Variants in CLCN5 observed in about 807,000 individuals in gnomAD.
CLCN5 encodes the protein Cl-/H+ antiporter 5.
CLCN5 carries 17 observed loss-of-function variants against 54.0 expected under a neutral mutation model. That is an observed-to-expected ratio of 0.31 (90% CI 0.22 to 0.47). The LOEUF (loss-of-function observed/expected upper bound fraction) is 0.47. CLCN5 is among the 20% of genes least tolerant of loss of function. The probability of loss-of-function intolerance (pLI) is 1.00; values close to 1 mark genes in which losing one functional copy is unlikely to be tolerated. For synonymous variants in CLCN5, 222 were observed against 233.0 expected (o/e 0.95, Z 0.43); for missense variants, 448 against 646.7 (o/e 0.69, Z 3.33).
At chrX:50,031,031 C>T (rs1335681049) in intron 3 of CLCN5, among the ~76,000 whole-genome samples, 1 of 111,879 alleles carries the variant, frequency 8.9e-6, no homozygotes, top group Non-Finnish European at 1.9e-5. Flanking sequence ...CTACACTTCA[C>T]ATTTATGACA....
intron 3 of CLCN5, among the ~76,000 whole-genome samples, chrX:49,928,962 GT>G (rs1925496940): frequency 8.9e-6 from 1 of 111,911 alleles, no homozygotes; most frequent in Non-Finnish European, 1.9e-5. Context: ...ATTCCTAGAG[GT>G]TAAGTGATAT....
chrX:50,086,606 C>A lies in CLCN5; in HGVS notation c.1293C>A (p.Leu431=). 8.3e-7 allele frequency: 1 copy of A among 1,210,712 alleles called. No homozygotes were observed. The highest frequency in any genetic ancestry group is 1.1e-6 in the Non-Finnish European group (1 of 895,126). The change falls in exon 11 of 15, where the codon CTC becomes CTA. Residue 431 remains leucine (L), a synonymous_variant. Transcript: ENST00000376091. ...GCAAGTATCCTGTTATAGAGGTACT[C>A]GTCGTGACAGCCATCACTGCCATCC... ...QLGKYPVIEV[L]VVTAITAILA...
At chrX:49,959,074 T>C (rs1435417606) in intron 3 of CLCN5, among the ~76,000 whole-genome samples, 1 of 111,379 alleles carries the variant, frequency 9.0e-6, no homozygotes, top group African/African-American at 3.3e-5. Flanking sequence ...GGATTGATAA[T>C]ATTTTGAGAC....
chrX:50,057,308 C>A (rs1932767351), intron 4 of CLCN5, among the ~76,000 whole-genome samples: 1 of 105,236 alleles, frequency 9.5e-6, no homozygotes, highest in African/African-American at 3.5e-5. Context: ...AGATGCATAT[C>A]AACAGAATAG....
intron 3 of CLCN5, among the ~76,000 whole-genome samples, chrX:49,996,198 A>G (rs1401614535): frequency 8.9e-6 from 1 of 112,125 alleles, no homozygotes; most frequent in East Asian, 2.8e-4. Context: ...TGTGCCGAAG[A>G]CTGTGTAAGA....
At chrX:50,034,374 G>A in intron 3 of CLCN5, among the ~76,000 whole-genome samples, 1 of 111,442 alleles carries the variant, frequency 9.0e-6, no homozygotes, top group East Asian at 2.8e-4. Context: ...GACAATACTT[G>A]TATGTTCGTT....
intron 3 of CLCN5, among the ~76,000 whole-genome samples, chrX:50,029,765 G>A (rs1292514109): frequency 3.6e-5 from 4 of 111,880 alleles, no homozygotes; most frequent in Non-Finnish European, 7.5e-5. Flanking sequence ...AGAGAAATAG[G>A]AACACTTTTA....
At chrX:49,936,396 T>G (rs1382656983) in intron 3 of CLCN5, among the ~76,000 whole-genome samples, 2 of 111,786 alleles carry the variant, frequency 1.8e-5, no homozygotes, top group East Asian at 5.6e-4. Context: ...TATAGCTTTC[T>G]CTTCTATGCT....
intron 3 of CLCN5, among the ~76,000 whole-genome samples, chrX:49,960,902 G>A (rs1557174575): frequency 1.8e-5 from 2 of 111,278 alleles, no homozygotes; most frequent in African/African-American, 6.5e-5. Flanking sequence ...TGTTAAAAGA[G>A]CCATCTATAC....
chrX:50,081,709 C>G lies in CLCN5; in HGVS notation c.795C>G (p.Thr265=). The part of the protein sequence containing the change: ...YLGKWTLVIK[T]ITLVLAVSSG... ...GTAAGTGGACTCTGGTTATCAAAAC[C>G]ATCACCTTGGTGCTGGCAGTGTCAT... is the stretch of plus-strand genomic sequence containing the variant. The change falls in exon 9 of 15, where the codon ACC becomes ACG. Residue 265 remains threonine, a synonymous_variant. Coordinates refer to ENST00000376091, the MANE Select transcript of CLCN5 (RefSeq NM_001127898.4). 8.3e-7 allele frequency: 1 copy of G among 1,210,894 alleles called. No individual in the cohort carries two copies. Among genetic ancestry groups the G allele is most frequent in the African/African-American group, 1.7e-5 (1 of 57,752 alleles).
intron 3 of CLCN5, among the ~76,000 whole-genome samples, chrX:50,002,184 T>C (rs1557180443): frequency 9.0e-6 from 1 of 110,736 alleles, no homozygotes; most frequent in Non-Finnish European, 1.9e-5. Flanking sequence ...TGTGGATGAT[T>C]TCTGTGTTTG....
chrX:49,949,148 AC>A (rs1266906393), intron 3 of CLCN5, among the ~76,000 whole-genome samples: 2 of 112,235 alleles, frequency 1.8e-5, no homozygotes, highest in African/African-American at 3.2e-5. Flanking sequence ...GTGGTTCTCA[AC>A]TAGGGGCAAT....
chrX:50,076,341 A>G (rs1933404324), intron 7 of CLCN5, among the ~76,000 whole-genome samples: 1 of 112,471 alleles, frequency 8.9e-6, no homozygotes, highest in African/African-American at 3.2e-5. Flanking sequence ...GGACAGAGTG[A>G]GTTAAAAATG....
chrX:49,939,435 A>G (rs782386481), intron 3 of CLCN5, among the ~76,000 whole-genome samples: 1,426 of 111,341 alleles, frequency 0.013, 24 homozygotes, highest in African/African-American at 0.045. Context: ...TGACACATAT[A>G]CACGATGGGA....
intron 3 of CLCN5, among the ~76,000 whole-genome samples, chrX:50,007,379 GTCTC>G (rs1212507560): frequency 2.3e-5 from 1 of 43,294 alleles, no homozygotes; most frequent in South Asian, 1.1e-3. Flanking sequence ...CTCATTTTCT[GTCTC>G]TCTCTCTCTC....
intron 5 of CLCN5, among the ~76,000 whole-genome samples, chrX:50,071,299 A>C (rs782316124): frequency 1.5e-3 from 164 of 112,166 alleles, no homozygotes; most frequent in African/African-American, 5.2e-3. Context: ...GTTGATCACT[A>C]TAAAGCATTT....
intron 3 of CLCN5, among the ~76,000 whole-genome samples, chrX:49,950,377 A>G (rs782287321): frequency 8.9e-6 from 1 of 112,131 alleles, no homozygotes; most frequent in Non-Finnish European, 1.9e-5. Context: ...TTTCATAGGT[A>G]GATGATATGG....
intron 3 of CLCN5, among the ~76,000 whole-genome samples, chrX:49,978,946 A>G (rs1266048135): frequency 2.7e-5 from 3 of 111,308 alleles, no homozygotes; most frequent in African/African-American, 9.8e-5. Context: ...CTTGTTTTAA[A>G]TACATCACTG....
intron 3 of CLCN5, among the ~76,000 whole-genome samples, chrX:49,985,854 T>C (rs1263591353): frequency 3.6e-5 from 4 of 111,780 alleles, no homozygotes; most frequent in African/African-American, 1.3e-4. Flanking sequence ...TTTTTATAAC[T>C]AGAGTCAGAT....
Sources: allele counts gnomAD v4.1 joint callset (sites outside exome capture counted in the v4.1 genomes callset), GRCh38; gene constraint gnomAD v4.1.1; transcripts MANE v1.5; gene names NCBI Gene and HGNC (gene_info 2026-07-23, HGNC 2026-07-21).